The following YIF1B variants were observed in gnomAD, a reference collection of about 807,000 sequenced individuals.
YIF1B encodes Yip1 interacting factor homolog B, membrane trafficking protein, also known as protein YIF1B.
Under a neutral mutation model 34.6 loss-of-function variants are expected in YIF1B, and 24 were observed. The observed-to-expected ratio is 0.69, with a 90% CI of 0.50 to 0.98. The LOEUF is 0.98. Among genes scored for constraint, YIF1B ranks in the 50% least tolerant of loss-of-function variants. The pLI is 0.00. For missense variants in YIF1B, 368 were observed against 429.4 expected (o/e 0.86, Z 1.26); for synonymous variants, 186 against 184.8 (o/e 1.01, Z -0.05).
upstream of YIF1B, chr19:38,319,918 C>A: frequency 7.2e-7 from 1 of 1,381,952 alleles, no homozygotes; most frequent in Non-Finnish European, 9.3e-7. Context: ...GTCAGCGGGG[C>A]CACCCAGGGC....
At chr19:38,321,492 C>T (rs1054859210), upstream of YIF1B, among the ~76,000 whole-genome samples, 2 of 152,258 alleles carry the variant, frequency 1.3e-5, no homozygotes, top group Admixed American at 6.5e-5. Flanking sequence ...AAGGACCCAC[C>T]GTGGAGGGAC....
At chr19:38,305,661 G>A (rs1392983533) in intron 7 of YIF1B, among the ~76,000 whole-genome samples, 154 bp from the exon 8 acceptor site, 3 of 152,192 alleles carry the variant, frequency 2.0e-5, no homozygotes, top group South Asian at 4.1e-4. Context: ...TCTGCTCCCG[G>A]GGCCTCAGTT....
rs549653276 is a variant in YIF1B, at chr19:38,309,219, C to G, written c.402+5G>C. The G allele has an allele frequency of 5.6e-6, 9 of 1,613,658 alleles. No homozygotes were observed. The East Asian group carries it at 1.3e-4, about 24-fold the overall frequency. On this transcript the variant is annotated splice_donor_5th_base_variant and intron_variant, in intron 3 of 7. Coordinates refer to ENST00000339413, the MANE Select transcript of YIF1B (RefSeq NM_001039672.3). Reference sequence around the variant, plus strand: ...GCAGACCCACATTCCCCTGGGGGTGCTGACCTGGTGTAGGTAGGGGAAGAA... The same window carrying G: ...GCAGACCCACATTCCCCTGGGGGTGGTGACCTGGTGTAGGTAGGGGAAGAA...
At position 38,305,324 on chromosome 19, in the gene YIF1B, G is replaced by C; in HGVS notation, c.*28C>G. Reference sequence around the variant, plus strand: ...GCCACAGTGGCCCCCAGCAGCAGCAGCAGCAGCGGGAGGTTCAGCGGGCGC... The same window carrying C: ...GCCACAGTGGCCCCCAGCAGCAGCACCAGCAGCGGGAGGTTCAGCGGGCGC... On this transcript the variant is annotated 3_prime_UTR_variant, in exon 8 of 8. Transcript: ENST00000339413. 6.3e-7 allele frequency: 1 copy of C among 1,590,446 alleles called. No individual in the cohort carries two copies. The highest frequency in any genetic ancestry group is 1.1e-5 in the South Asian group (1 of 89,710).
upstream of YIF1B, chr19:38,320,082 G>C (rs539113103): frequency 2.6e-6 from 4 of 1,535,064 alleles, no homozygotes; most frequent in South Asian, 3.5e-5. Flanking sequence ...AGACGCTGCG[G>C]GCGCAGCTGC....
chr19:38,309,711 T>C, intron 1 of YIF1B, 68 bp from the exon 2 acceptor site: 1 of 1,529,252 alleles, frequency 6.5e-7, no homozygotes, highest in South Asian at 1.2e-5. Context: ...GCGAACCTCA[T>C]TCATCCCACA....
At chr19:38,314,981 G>A (rs1043117552) in intron 1 of YIF1B, among the ~76,000 whole-genome samples, 1 of 151,916 alleles carries the variant, frequency 6.6e-6, no homozygotes, top group Admixed American at 6.6e-5. Flanking sequence ...CTTCCATGCC[G>A]GGTGCGGTGG....
At chr19:38,314,746 C>T (rs1469925595) in intron 1 of YIF1B, among the ~76,000 whole-genome samples, 3 of 149,534 alleles carry the variant, frequency 2.0e-5, no homozygotes, top group African/African-American at 7.4e-5. Context: ...CCCAAGTAGC[C>T]GGGATTACAG....
At position 38,309,414 on chromosome 19, in the gene YIF1B, C is replaced by T. The variant is rs543782592; in HGVS notation, c.288G>A (p.Val96=). ...AGCCCCGCCCACTCACGTTCTTATC[C>T]ACCAGCTCCTTGCCCTGCGCGGCCA... ...SSLAAQGKEL[V]DKNIDRFIPI... The change falls in exon 2 of 8, where the codon GTG becomes GTA. Residue 96 remains valine (V), a synonymous_variant. Transcript: ENST00000339413. 1.4e-5 allele frequency: 22 copies of T among 1,612,972 alleles called. No individual in the cohort carries two copies. The African/African-American group carries it at 2.1e-4, about 16-fold the overall frequency.
upstream of YIF1B, among the ~76,000 whole-genome samples, chr19:38,320,622 G>A (rs1446441692): frequency 2.0e-5 from 3 of 151,506 alleles, no homozygotes; most frequent in African/African-American, 7.3e-5. Context: ...GCAGTGGCAC[G>A]ATCTCGGATC....
At chr19:38,317,438 C>T (rs924781639), upstream of YIF1B, among the ~76,000 whole-genome samples, 7 of 152,166 alleles carry the variant, frequency 4.6e-5, no homozygotes, top group Non-Finnish European at 8.8e-5. Context: ...TTTTTGTGAG[C>T]GAAATGCCCG....
At chr19:38,313,405 C>T (rs1969404388) in intron 1 of YIF1B, among the ~76,000 whole-genome samples, 1 of 152,044 alleles carries the variant, frequency 6.6e-6, no homozygotes, top group Non-Finnish European at 1.5e-5. Flanking sequence ...ACTACAGACG[C>T]CCACCACCAC....
upstream of YIF1B, chr19:38,315,951 G>A (rs1342604621): frequency 2.1e-6 from 3 of 1,409,718 alleles, no homozygotes; most frequent in African/African-American, 1.5e-5. Flanking sequence ...GCGGTTCGGA[G>A]CGTGCCCGCC....
Position 38,304,637 on chromosome 19 carries a change from G to C in YIF1B, c.*715C>G, listed in dbSNP as rs781151590. 3 of 1,613,560 alleles carry C rather than the reference G, an allele frequency of 1.9e-6. No homozygotes were observed. In the South Asian group the frequency reaches 3.3e-5, roughly 18 times the overall value. ...ACCTCCATCCAGCAAGGACACCACA[G>C]CTCTTCCGACTCCAGCAGCAGCTCC... is the stretch of plus-strand genomic sequence containing the variant. On this transcript the variant is annotated 3_prime_UTR_variant, in exon 8 of 8. Coordinates refer to ENST00000339413, the MANE Select transcript of YIF1B (RefSeq NM_001039672.3).
chr19:38,306,603 C>G (rs796381538), intron 7 of YIF1B: 8 of 203,272 alleles, frequency 3.9e-5, no homozygotes, highest in African/African-American at 1.9e-4. Flanking sequence ...TTCTCACATG[C>G]TCACAGTGAA....
intron 5 of YIF1B, 55 bp downstream of exon 5, chr19:38,308,737 C>T (rs1283964381): frequency 1.2e-6 from 2 of 1,609,922 alleles, no homozygotes; most frequent in Non-Finnish European, 1.7e-6. Flanking sequence ...CCTTCCTGAC[C>T]AACCATGGGC....
rs1351586088 is a variant in YIF1B at position 38,315,877 on chromosome 19, G to C, written c.41C>G (p.Pro14Arg). Residue 14 changes from proline to arginine, a missense_variant, in exon 1 of 8, where the codon CCC (proline) becomes CGC (arginine). Coordinates refer to ENST00000339413, the MANE Select transcript of YIF1B (RefSeq NM_001039672.3). ...CCACGTACGCCACTTACGCAGCCGG[G>C]GCGTCCCCGCAGCCGCCGCCGCCAA... is the stretch of plus-strand genomic sequence containing the variant. The part of the protein sequence containing the change: ...AGLAAAAAGT[P>R]RLRKWPSKRR... 6 of 1,492,162 alleles carry C rather than the reference G, an allele frequency of 4.0e-6. No homozygotes were observed. The highest frequency in any genetic ancestry group is 5.3e-6 in the Non-Finnish European group (6 of 1,130,102). 92.4% of individuals were successfully genotyped at this position (1,492,162 alleles called of 1,614,324 possible).
intron 7 of YIF1B, chr19:38,307,122 G>A: frequency 2.0e-6 from 1 of 500,486 alleles, no homozygotes; most frequent in South Asian, 1.8e-5. Flanking sequence ...TCTCCTTCCA[G>A]GGAAATTCTG....
intron 1 of YIF1B, chr19:38,309,907 T>A: frequency 2.4e-6 from 3 of 1,246,036 alleles, no homozygotes; most frequent in Middle Eastern, 3.0e-4. Context: ...CACCTATCCA[T>A]CTACCCACCC....
Sources: allele counts gnomAD v4.1 joint callset (sites outside exome capture counted in the v4.1 genomes callset), GRCh38; gene constraint gnomAD v4.1.1; transcripts MANE v1.5; gene names NCBI Gene and HGNC (gene_info 2026-07-23, HGNC 2026-07-21).